The following NOPCHAP1 variants were observed in gnomAD, a reference collection of about 807,000 sequenced individuals.
NOPCHAP1 encodes the protein NOP protein chaperone 1.
Under a neutral mutation model 14.0 loss-of-function variants are expected in NOPCHAP1, and 13 were observed. The ratio of observed to expected loss-of-function variants is 0.93; its 90% CI spans 0.60 to 1.47. NOPCHAP1 has a LOEUF of 1.47. Among genes scored for constraint, NOPCHAP1 ranks in the 40% most tolerant of loss-of-function variants. The pLI, the probability that NOPCHAP1 is intolerant of heterozygous loss-of-function variation, is 0.00. For missense variants in NOPCHAP1, 230 were observed against 226.9 expected, an observed-to-expected ratio of 1.01 and a Z score of -0.09; for synonymous variants, 78 against 78.4, an observed-to-expected ratio of 1.00 and a Z score of 0.03.
In NOPCHAP1 at chr12:105,010,292, G is replaced by A. The variant is rs906513653; in HGVS notation, c.*15596G>A. The stretch of plus-strand genomic sequence containing the variant: ...TTGTTTATAGTATTCTCTGATGGTG[G>A]TTTGTATTTCTGTGGGATCAGTGAT... On this transcript the variant is annotated 3_prime_UTR_variant, in exon 4 of 4. Transcript: ENST00000552951. 7 of 152,092 alleles carry A rather than the reference G, an allele frequency of 4.6e-5. No homozygotes were observed. The highest frequency in any genetic ancestry group is 7.4e-5 in the Non-Finnish European group (5 of 68,020). 9.4% of individuals were successfully genotyped at this position (152,092 alleles called of 1,614,324 possible). A position where few individuals can be genotyped will look rare whatever the true frequency, so the allele number is the denominator to read the frequency against.
rs1873943990 is a variant in NOPCHAP1 at position 105,016,250 on chromosome 12, A to C, written c.*21554A>C. On this transcript the variant is annotated 3_prime_UTR_variant, in exon 4 of 4. Coordinates refer to ENST00000552951, the MANE Select transcript of NOPCHAP1 (RefSeq NM_152318.3). Reference sequence around the variant, plus strand: ...GAAGTAATTCACAGAAAAAGGGTCAACTCCATTTATCAGAGAAATGCAAAT... The same window carrying C: ...GAAGTAATTCACAGAAAAAGGGTCACCTCCATTTATCAGAGAAATGCAAAT... 6.6e-6 allele frequency: 1 copy of C among 152,148 alleles called. No homozygotes were observed. The highest frequency in any genetic ancestry group is 1.5e-5 in the Non-Finnish European group (1 of 68,016). The allele number at this position is 152,148 out of a possible 1,614,324, so 9.4% of individuals were successfully genotyped here.
Position 104,998,137 on chromosome 12 carries a change from TTATCC to T in NOPCHAP1, c.*3443_*3447del, listed in dbSNP as rs1211369125. The stretch of plus-strand genomic sequence containing the variant: ...TAGATTCCACGGATTGGGTTTGACT[TTATCC>T]TGTATGTTGATGATCTTCATTCCTG... On this transcript the variant is annotated 3_prime_UTR_variant, in exon 4 of 4. Coordinates refer to ENST00000552951, the MANE Select transcript of NOPCHAP1 (RefSeq NM_152318.3). 6.6e-6 allele frequency: 1 copy of T among 152,326 alleles called. No individual in the cohort carries two copies. The highest frequency in any genetic ancestry group is 1.5e-5 in the Non-Finnish European group (1 of 68,030). 9.4% of individuals were successfully genotyped at this position (152,326 alleles called of 1,614,324 possible). A position where few individuals can be genotyped will look rare whatever the true frequency, so the allele number is the denominator to read the frequency against.
rs1873590494 is a variant in NOPCHAP1, at chr12:105,000,644, T to C, written c.*5948T>C. 6.6e-6 allele frequency: 1 copy of C among 152,094 alleles called. No homozygotes were observed. The highest frequency in any genetic ancestry group is 1.5e-5 in the Non-Finnish European group (1 of 68,008). 9.4% of individuals were successfully genotyped at this position (152,094 alleles called of 1,614,324 possible). A position where few individuals can be genotyped will look rare whatever the true frequency, so the allele number is the denominator to read the frequency against. On this transcript the variant is annotated 3_prime_UTR_variant, in exon 4 of 4. Transcript: ENST00000552951. Reference sequence around the variant, plus strand: ...AAGTCTTGAGGGTCTGAACTTTTGCTGCAGTGTGGATGGTAAGAATTTGGT... The same window carrying C: ...AAGTCTTGAGGGTCTGAACTTTTGCCGCAGTGTGGATGGTAAGAATTTGGT...
rs1369280878 is a variant in NOPCHAP1, at chr12:105,005,426, C to G, written c.*10730C>G. 1 of 152,220 alleles carries G rather than the reference C, an allele frequency of 6.6e-6. No homozygotes were observed. Among genetic ancestry groups the G allele is most frequent in the Non-Finnish European group, 1.5e-5 (1 of 68,056 alleles). 9.4% of individuals were successfully genotyped at this position (152,220 alleles called of 1,614,324 possible). The stretch of plus-strand genomic sequence containing the variant: ...AATGAGGTAGTGGTCTGCAGCCAGT[C>G]TGATTAGTTGCTGGGTGACCAATCA... On this transcript the variant is annotated 3_prime_UTR_variant, in exon 4 of 4. Coordinates refer to ENST00000552951, the MANE Select transcript of NOPCHAP1 (RefSeq NM_152318.3).
intron 2 of NOPCHAP1, 31 bp from the exon 3 acceptor site, chr12:104,991,681 A>C: frequency 6.4e-7 from 1 of 1,561,484 alleles, no homozygotes; most frequent in Non-Finnish European, 8.6e-7. Context: ...TACTAGCATA[A>C]ATGTTGATAT....
rs777336739 is a variant in NOPCHAP1 at position 104,994,520 on chromosome 12, G to A, written c.382G>A (p.Val128Met). 6.2e-7 allele frequency: 1 copy of A among 1,613,802 alleles called. No individual in the cohort carries two copies. Among genetic ancestry groups the A allele is most frequent in the East Asian group, 2.2e-5 (1 of 44,872 alleles). Residue 128 changes from valine to methionine, a missense_variant, in exon 4 of 4, where the codon GTG becomes ATG. Physicochemically the swap from Val to Met is conservative, Grantham distance 21 (BLOSUM62 1). Transcript: ENST00000552951. ...GATGAATCAGTCGGATTCAAAAGAA[G>A]TGGACAGTTCAGAAGAGAGTTCACA... is the stretch of plus-strand genomic sequence containing the variant. ...FEMNQSDSKE[V>M]DSSEESSQDS...
Position 105,013,317 on chromosome 12 carries a change from G to A in NOPCHAP1, c.*18621G>A, listed in dbSNP as rs905060351. 2 of 152,246 alleles carry A rather than the reference G, an allele frequency of 1.3e-5. No individual in the cohort carries two copies. Among genetic ancestry groups the A allele is most frequent in the African/African-American group, 4.8e-5 (2 of 41,434 alleles). The allele number at this position is 152,246 out of a possible 1,614,324, so 9.4% of individuals were successfully genotyped here. A position where few individuals can be genotyped will look rare whatever the true frequency, so the allele number is the denominator to read the frequency against. On this transcript the variant is annotated 3_prime_UTR_variant, in exon 4 of 4. Transcript: ENST00000552951. ...GCCTACTCAAGCCTCAGTCGTGGTG[G>A]ACACCCCTTTTCCCACCAAGCTCAA...
rs1873835155 is a variant in NOPCHAP1, at chr12:105,011,860, C to T, written c.*17164C>T. On this transcript the variant is annotated 3_prime_UTR_variant, in exon 4 of 4. Transcript: ENST00000552951. ...TGTAGGGTTTCTTCAGAGAGATCCACTGTTAGTCTGATGGGCTTCCCTTTT... is the reference window on the plus strand; with the variant it reads ...TGTAGGGTTTCTTCAGAGAGATCCATTGTTAGTCTGATGGGCTTCCCTTTT... The T allele has an allele frequency of 6.6e-6, 1 of 152,228 alleles. No homozygotes were observed. The allele number at this position is 152,228 out of a possible 1,614,324, so 9.4% of individuals were successfully genotyped here.
At chr12:104,993,079 A>G (rs975782427) in intron 3 of NOPCHAP1, among the ~76,000 whole-genome samples, 1 of 152,102 alleles carries the variant, frequency 6.6e-6, no homozygotes, top group African/African-American at 2.4e-5. Flanking sequence ...TTCAGTCGTC[A>G]CCTGATCAGG....
rs994685098 is a variant in NOPCHAP1, at chr12:105,001,542, C to T, written c.*6846C>T. The stretch of plus-strand genomic sequence containing the variant: ...GTTCTGGTTCAGGAGAGTCAGGAAA[C>T]TCTAAGATTATTTGTCCCTCTGAAA... On this transcript the variant is annotated 3_prime_UTR_variant, in exon 4 of 4. Coordinates refer to ENST00000552951, the MANE Select transcript of NOPCHAP1 (RefSeq NM_152318.3). 1 of 152,178 alleles carries T rather than the reference C, an allele frequency of 6.6e-6. No homozygotes were observed. Among genetic ancestry groups the T allele is most frequent in the Non-Finnish European group, 1.5e-5 (1 of 68,032 alleles). 9.4% of individuals were successfully genotyped at this position (152,178 alleles called of 1,614,324 possible).
rs1873912425 is a variant in NOPCHAP1 at position 105,014,761 on chromosome 12, G to A, written c.*20065G>A. The A allele has an allele frequency of 6.6e-6, 1 of 152,112 alleles. No individual in the cohort carries two copies. Among genetic ancestry groups the A allele is most frequent in the African/African-American group, 2.4e-5 (1 of 41,412 alleles). 9.4% of individuals were successfully genotyped at this position (152,112 alleles called of 1,614,324 possible). On this transcript the variant is annotated 3_prime_UTR_variant, in exon 4 of 4. Coordinates refer to ENST00000552951, the MANE Select transcript of NOPCHAP1 (RefSeq NM_152318.3). ...AAACCTATCAAATGTAGAAAATAGGGACATCACAGCAAAATTTGGAGGGCA... is the reference window on the plus strand; with the variant it reads ...AAACCTATCAAATGTAGAAAATAGGAACATCACAGCAAAATTTGGAGGGCA...
At chr12:104,991,398 T>C (rs1173476708) in intron 2 of NOPCHAP1, among the ~76,000 whole-genome samples, 1 of 152,318 alleles carries the variant, frequency 6.6e-6, no homozygotes, top group Admixed American at 6.5e-5. Context: ...CCCTAAAGCC[T>C]CAGAACCTGG....
chr12:104,986,368 A>AAGCCCAAGGCT lies in NOPCHAP1; in HGVS notation c.22_32dup (p.Ser12ArgfsTer23). The AAGCCCAAGGCT allele has an allele frequency of 6.2e-7, 1 of 1,610,226 alleles. No homozygotes were observed. Among genetic ancestry groups the AAGCCCAAGGCT allele is most frequent in the South Asian group, 1.1e-5 (1 of 90,126 alleles). On this transcript the variant is annotated frameshift_variant, in exon 1 of 4. Coordinates refer to ENST00000552951, the MANE Select transcript of NOPCHAP1 (RefSeq NM_152318.3). LOFTEE classifies it high-confidence loss of function. ...TGAGGGAAGCATGGAGGTCCATGGC[A>AAGCCCAAGGCT]AGCCCAAGGCTAGCCCGAGTTGTTC...
At chr12:104,994,373 A>G (rs1565939209) in intron 3 of NOPCHAP1, 105 bp from the exon 4 acceptor site, 8 of 1,071,480 alleles carry the variant, frequency 7.5e-6, no homozygotes, top group South Asian at 6.4e-5. Context: ...CTTATCCTTT[A>G]TGTTTCAATA....
rs1201451378 is a variant in NOPCHAP1, at chr12:105,008,932, G to A, written c.*14236G>A. The A allele has an allele frequency of 2.0e-5, 3 of 152,138 alleles. No individual in the cohort carries two copies. The highest frequency in any genetic ancestry group is 4.4e-5 in the Non-Finnish European group (3 of 68,022). The allele number at this position is 152,138 out of a possible 1,614,324, so 9.4% of individuals were successfully genotyped here. A position where few individuals can be genotyped will look rare whatever the true frequency, so the allele number is the denominator to read the frequency against. On this transcript the variant is annotated 3_prime_UTR_variant, in exon 4 of 4. Coordinates refer to ENST00000552951, the MANE Select transcript of NOPCHAP1 (RefSeq NM_152318.3). ...CAGGTAGCGTGATTCCTCCAGCTTT[G>A]TTCTTTTTGCTTAGGATTGTCTTGG...
rs187709088 is a variant in NOPCHAP1, at chr12:105,014,486, G to C, written c.*19790G>C. On this transcript the variant is annotated 3_prime_UTR_variant, in exon 4 of 4. Coordinates refer to ENST00000552951, the MANE Select transcript of NOPCHAP1 (RefSeq NM_152318.3). Reference sequence around the variant, plus strand: ...AAGTGGACCCACACAGTTCAAATCTGTGTTGTTCAAGTGTCACCTGTATTT... The same window carrying C: ...AAGTGGACCCACACAGTTCAAATCTCTGTTGTTCAAGTGTCACCTGTATTT... 3.2e-4 allele frequency: 48 copies of C among 152,254 alleles called. 1 individual carries two copies. Among genetic ancestry groups the C allele is most frequent in the African/African-American group, 1.1e-3 (45 of 41,554 alleles). The allele number at this position is 152,254 out of a possible 1,614,324, so 9.4% of individuals were successfully genotyped here.
rs1229576303 is a variant in NOPCHAP1 at position 105,004,905 on chromosome 12, A to G, written c.*10209A>G. On this transcript the variant is annotated 3_prime_UTR_variant, in exon 4 of 4. Coordinates refer to ENST00000552951, the MANE Select transcript of NOPCHAP1 (RefSeq NM_152318.3). ...ATTGTATATGTTATATGTATTATAT[A>G]TTGTATTTTTACAATAAAGTAAGCT... is the stretch of plus-strand genomic sequence containing the variant. 6.6e-6 allele frequency: 1 copy of G among 152,212 alleles called. No homozygotes were observed. Among genetic ancestry groups the G allele is most frequent in the Non-Finnish European group, 1.5e-5 (1 of 68,028 alleles). The allele number at this position is 152,212 out of a possible 1,614,324, so 9.4% of individuals were successfully genotyped here. A position where few individuals can be genotyped will look rare whatever the true frequency, so the allele number is the denominator to read the frequency against.
rs1259420380 is a variant in NOPCHAP1 at position 104,999,197 on chromosome 12, C to A, written c.*4501C>A. On this transcript the variant is annotated 3_prime_UTR_variant, in exon 4 of 4. Coordinates refer to ENST00000552951, the MANE Select transcript of NOPCHAP1 (RefSeq NM_152318.3). ...ACTGGCAGGAAATTGGAGGCGAGGT[C>A]TGTGTACACAGGTGCTGGCAAAGTG... 1 of 152,394 alleles carries A rather than the reference C, an allele frequency of 6.6e-6. No homozygotes were observed. The highest frequency in any genetic ancestry group is 2.4e-5 in the African/African-American group (1 of 41,402). 9.4% of individuals were successfully genotyped at this position (152,394 alleles called of 1,614,324 possible).
chr12:105,005,980 A>G lies in NOPCHAP1; in HGVS notation c.*11284A>G, dbSNP rs1485307306. 2 of 152,320 alleles carry G rather than the reference A, an allele frequency of 1.3e-5. No homozygotes were observed. Among genetic ancestry groups the G allele is most frequent in the Non-Finnish European group, 2.9e-5 (2 of 68,032 alleles). 9.4% of individuals were successfully genotyped at this position (152,320 alleles called of 1,614,324 possible). On this transcript the variant is annotated 3_prime_UTR_variant, in exon 4 of 4. Transcript: ENST00000552951. ...CTGGCACTGTGGCTCAGAAGCATTC[A>G]TCTCCATCAAGCTGTCTTCTGTTAA...
Sources: gnomAD v4.1 joint callset for allele counts (sites outside exome capture counted in the v4.1 genomes callset) on GRCh38, gnomAD v4.1.1 for gene constraint, MANE v1.5 for transcripts, NCBI Gene and HGNC (gene_info 2026-07-23, HGNC 2026-07-21) for gene names.